Variants in RICTOR observed in about 807,000 individuals in gnomAD.
RICTOR encodes the protein rapamycin-insensitive companion of mTOR.
In RICTOR, 49 loss-of-function variants were observed where a neutral mutation model predicts 214.9. The ratio of observed to expected loss-of-function variants is 0.23; its 90% CI spans 0.18 to 0.29. The LOEUF (loss-of-function observed/expected upper bound fraction) is 0.29, where lower values mean the gene tolerates loss of function less well. RICTOR is among the 10% of genes least tolerant of loss of function. The pLI, the probability that RICTOR is intolerant of heterozygous loss-of-function variation, is 1.00. For missense variants in RICTOR, 1,625 were observed against 2,047.0 expected, an observed-to-expected ratio of 0.79 and a Z score of 3.98; for synonymous variants, 717 against 711.3, an observed-to-expected ratio of 1.01 and a Z score of -0.13.
Position 38,959,198 on chromosome 5 carries a change from A to C in RICTOR, c.2175T>G (p.Thr725=), listed in dbSNP as rs1232961153. ...TTACTGGCTATGTTATACTCACATCAGTAGCTGCAGTTAAAATTTTGGAAA... is the reference window on the plus strand; with the variant it reads ...TTACTGGCTATGTTATACTCACATCCGTAGCTGCAGTTAAAATTTTGGAAA... ...VILSKILTAA[T]DACRLYATKH... Residue 725 remains threonine (T), a synonymous_variant, in exon 22 of 38, where the codon ACT becomes ACG. Coordinates refer to ENST00000357387, the MANE Select transcript of RICTOR (RefSeq NM_152756.5). 1 of 1,589,164 alleles carries C rather than the reference A, an allele frequency of 6.3e-7. No homozygotes were observed. Among genetic ancestry groups the C allele is most frequent in the Non-Finnish European group, 8.6e-7 (1 of 1,168,116 alleles).
chr5:38,990,913 A>G, intron 7 of RICTOR, 36 bp downstream of exon 7: 2 of 1,438,346 alleles, frequency 1.4e-6, no homozygotes, highest in Non-Finnish European at 1.9e-6. Flanking sequence ...TCCTTTCTAA[A>G]ATATTACATT....
intron 2 of RICTOR, among the ~76,000 whole-genome samples, chr5:39,058,960 T>C (rs1291601235): frequency 6.6e-6 from 1 of 152,156 alleles, no homozygotes; most frequent in Non-Finnish European, 1.5e-5. Flanking sequence ...ACCTGTTCAA[T>C]GAAAAGTTCA....
rs1749865251 is a variant in RICTOR at position 38,962,326 on chromosome 5, TTCA to T, written c.1701_1703del (p.Asp567del). 1 of 1,423,388 alleles carries T rather than the reference TTCA, an allele frequency of 7.0e-7. No individual in the cohort carries two copies. The highest frequency in any genetic ancestry group is 9.8e-7 in the Non-Finnish European group (1 of 1,023,040). 88.2% of individuals were successfully genotyped at this position (1,423,388 alleles called of 1,614,324 possible). ...TAGTTCTTACATACCTGTGTAACTG[TTCA>T]TCTTTATAGTTTCTTAGATTTACAT... On this transcript the variant is annotated inframe_deletion, in exon 19 of 38. Transcript: ENST00000357387.
chr5:39,000,968 G>A (rs961243619), intron 5 of RICTOR, among the ~76,000 whole-genome samples: 2 of 152,010 alleles, frequency 1.3e-5, no homozygotes, highest in African/African-American at 2.4e-5. Flanking sequence ...ACTGTTGACA[G>A]AAATCAAAGT....
rs188698002 is a variant in RICTOR, at chr5:39,010,806, T to C, written c.196-7184A>G. Among the ~76,000 whole-genome samples the C allele has an allele frequency of 2.4e-4, 37 of 152,330 alleles. No homozygotes were observed. In the East Asian group the frequency reaches 6.0e-3, roughly 25 times the overall value. On this transcript the variant is annotated intron_variant, in intron 3 of 37. Transcript: ENST00000357387. ...AGCAGCAAAGCATTCAAGAGGTGAC[T>C]TGGGTGCTCTTTAAAACATTCAGTT... is the stretch of plus-strand genomic sequence containing the variant.
intron 2 of RICTOR, among the ~76,000 whole-genome samples, chr5:39,061,603 A>G (rs1758546083): frequency 6.6e-6 from 1 of 152,056 alleles, no homozygotes; most frequent in East Asian, 1.9e-4. Context: ...TTTTAAAGGT[A>G]ATTACATTTT....
At chr5:39,063,452 A>G (rs1256985070) in intron 2 of RICTOR, among the ~76,000 whole-genome samples, 7 of 152,174 alleles carry the variant, frequency 4.6e-5, no homozygotes, top group Non-Finnish European at 8.8e-5. Context: ...AAGTTTTAAA[A>G]CCCTGGTGCA....
Position 38,942,236 on chromosome 5 carries a change from G to A in RICTOR, c.*68C>T. 1.0e-6 allele frequency: 1 copy of A among 954,552 alleles called. No homozygotes were observed. The highest frequency in any genetic ancestry group is 1.6e-6 in the Non-Finnish European group (1 of 620,962). 59.1% of individuals were successfully genotyped at this position (954,552 alleles called of 1,614,324 possible). A position where few individuals can be genotyped will look rare whatever the true frequency, so the allele number is the denominator to read the frequency against. On this transcript the variant is annotated 3_prime_UTR_variant, in exon 38 of 38. Transcript: ENST00000357387. ...TGCTGCCTAGTCAGTCGTATTTTCT[G>A]AGGCTTTTAGGAAATCCACAAATAT...
chr5:38,946,252 G>C (rs1431218315), intron 33 of RICTOR, among the ~76,000 whole-genome samples: 1 of 152,112 alleles, frequency 6.6e-6, no homozygotes, highest in Non-Finnish European at 1.5e-5. Flanking sequence ...TCCTTGAAAG[G>C]TTGAGTACTT....
chr5:38,966,912 T>C, intron 14 of RICTOR, 191 bp from the exon 15 acceptor site: 2 of 588,876 alleles, frequency 3.4e-6, no homozygotes, highest in East Asian at 2.8e-5. Context: ...GCAATTCTCG[T>C]GTGTCAGCCT....
chr5:38,947,548 C>T, intron 31 of RICTOR, 107 bp from the exon 32 acceptor site: 1 of 783,764 alleles, frequency 1.3e-6, no homozygotes, highest in Non-Finnish European at 2.1e-6. Flanking sequence ...AGTAGCTAGT[C>T]ATGTATTAAG....
intron 2 of RICTOR, among the ~76,000 whole-genome samples, chr5:39,059,826 C>T (rs115434376): frequency 0.045 from 6,819 of 152,108 alleles, 280 homozygotes; most frequent in African/African-American, 0.1. Context: ...TATTTCTTTA[C>T]ATCTATGTGC....
In RICTOR at chr5:38,942,336, G is replaced by A; in HGVS notation, c.5095C>T (p.Gln1699Ter). Residue 1699 changes from glutamine to a stop codon, truncating the protein, a stop_gained, in exon 38 of 38, where the codon CAA (glutamine) becomes TAA (stop). Transcript: ENST00000357387. LOFTEE classifies it high-confidence loss of function. ...AEAVLATPPK[Q>*]PIVDTSAES is the part of the protein sequence containing the mutation. ...TCAGCAGATGTATCAACTATAGGTT[G>A]CTTTGGTGGTGTTGCCAACACAGCC... is the stretch of plus-strand genomic sequence containing the variant. 2 of 1,598,446 alleles carry A rather than the reference G, an allele frequency of 1.3e-6. No individual in the cohort carries two copies. Among genetic ancestry groups the A allele is most frequent in the Non-Finnish European group, 1.7e-6 (2 of 1,169,554 alleles).
intron 2 of RICTOR, among the ~76,000 whole-genome samples, chr5:39,030,492 TA>T (rs969775581): frequency 4.6e-5 from 7 of 152,262 alleles, no homozygotes; most frequent in Admixed American, 3.3e-4. Flanking sequence ...CACTCTTACC[TA>T]AACTCTCAGT....
In RICTOR at chr5:38,944,450, A is replaced by G. The variant is rs1441578816; in HGVS notation, c.4909T>C (p.Leu1637=). Residue 1637 remains leucine, a synonymous_variant, in exon 36 of 38, where the codon TTA becomes CTA. Coordinates refer to ENST00000357387, the MANE Select transcript of RICTOR (RefSeq NM_152756.5). The part of the protein sequence containing the change: ...VSTKCHETGL[L]TIKEKYPQTF... The stretch of plus-strand genomic sequence containing the variant: ...TCATGCACATAGTTTACTCACGTTA[A>G]AAGCCCAGTCTCATGACATTTAGTT... The G allele has an allele frequency of 6.3e-7, 1 of 1,598,864 alleles. No homozygotes were observed. The highest frequency in any genetic ancestry group is 1.8e-5 in the Admixed American group (1 of 55,436).
intron 8 of RICTOR, among the ~76,000 whole-genome samples, chr5:38,980,446 C>T (rs1360795759): frequency 6.6e-6 from 1 of 152,144 alleles, no homozygotes; most frequent in Non-Finnish European, 1.5e-5. Context: ...ATTGAGGCTA[C>T]AATGCAATTT....
At chr5:39,022,849 T>C (rs1175148787) in intron 2 of RICTOR, among the ~76,000 whole-genome samples, 2 of 152,182 alleles carry the variant, frequency 1.3e-5, no homozygotes, top group Non-Finnish European at 2.9e-5. Flanking sequence ...ATTTGGAGCT[T>C]CATCTGGAAG....
chr5:38,949,637 C>G, intron 31 of RICTOR, 75 bp downstream of exon 31: 7 of 1,355,418 alleles, frequency 5.2e-6, no homozygotes, highest in Non-Finnish European at 7.2e-6. Context: ...TAGTGTAAAA[C>G]CTGGCTAACA....
chr5:39,053,435 C>T (rs1757978291), intron 2 of RICTOR, among the ~76,000 whole-genome samples: 1 of 152,180 alleles, frequency 6.6e-6, no homozygotes, highest in Non-Finnish European at 1.5e-5. Context: ...ATTTCTACCA[C>T]AACGGCTCAT....
Sources: allele counts gnomAD v4.1 joint callset (sites outside exome capture counted in the v4.1 genomes callset), GRCh38; gene constraint gnomAD v4.1.1; transcripts MANE v1.5; gene names NCBI Gene and HGNC (gene_info 2026-07-23, HGNC 2026-07-21).